Variants in RSPH14 observed in about 807,000 individuals in gnomAD.
RSPH14 encodes the protein rhabdoid tumor deletion region gene 1.
Under a neutral mutation model 26.7 loss-of-function variants are expected in RSPH14, and 20 were observed. The ratio of observed to expected loss-of-function variants is 0.75; its 90% CI spans 0.53 to 1.09. The LOEUF (loss-of-function observed/expected upper bound fraction) is 1.09. RSPH14 is among the 50% of genes least tolerant of loss of function. The pLI is 0.00. For missense variants in RSPH14, 449 were observed against 457.2 expected (o/e 0.98, Z 0.16); for synonymous variants, 177 against 189.3 (o/e 0.93, Z 0.53).
intron 1 of RSPH14, among the ~76,000 whole-genome samples, chr22:23,140,777 C>T (rs1365219971): frequency 6.6e-6 from 1 of 152,212 alleles, no homozygotes; most frequent in East Asian, 1.9e-4. Flanking sequence ...AACAAGCAAA[C>T]TCCAAGTTGG....
chr22:23,167,933 A>G, the RSPH14 span, among the ~76,000 whole-genome samples: 3 of 152,008 alleles, frequency 2.0e-5, no homozygotes, highest in Non-Finnish European at 4.4e-5. Flanking sequence ...GCTCAGTGCA[A>G]CTTTCCATCA....
At chr22:23,159,218 T>C in the RSPH14 span, 2 of 1,605,574 alleles carry the variant, frequency 1.2e-6, no homozygotes, top group Non-Finnish European at 1.7e-6. Flanking sequence ...GCCAGGGAGA[T>C]GCAGGCCGAG....
chr22:23,090,046 A>G, intron 4 of RSPH14, among the ~76,000 whole-genome samples: 1 of 152,064 alleles, frequency 6.6e-6, no homozygotes, highest in Admixed American at 6.5e-5. Context: ...CACACCCTTC[A>G]CGCTGCAAAC....
Position 23,082,337 on chromosome 22 carries a change from A to G in RSPH14, c.422-18204T>C, listed in dbSNP as rs982029222. Among the ~76,000 whole-genome samples, 5 of 150,646 alleles carry G rather than the reference A, an allele frequency of 3.3e-5. No individual in the cohort carries two copies. In the South Asian group the frequency reaches 1.1e-3, roughly 32 times the overall value. On this transcript the variant is annotated intron_variant, in intron 4 of 6. Coordinates refer to ENST00000216036, the MANE Select transcript of RSPH14 (RefSeq NM_014433.3). ...GTTCAAGCTCCTGTCTCAGCCTCGA[A>G]AGTAGCTGGGATTACAGGCGCACAC...
intron 4 of RSPH14, among the ~76,000 whole-genome samples, chr22:23,074,526 AGAG>A (rs2146250122): frequency 6.6e-6 from 1 of 152,276 alleles, no homozygotes; most frequent in South Asian, 2.1e-4. Context: ...ACATGTGGCC[AGAG>A]GGAGAGCAAG....
intron 1 of RSPH14, among the ~76,000 whole-genome samples, 161 bp from the exon 2 acceptor site, chr22:23,140,633 C>T (rs1244295005): frequency 6.6e-6 from 1 of 152,132 alleles, no homozygotes; most frequent in East Asian, 1.9e-4. Flanking sequence ...GCTCAAAGTC[C>T]CAGTGAAGGT....
At chr22:23,167,978 T>C in the RSPH14 span, among the ~76,000 whole-genome samples, 1 of 152,148 alleles carries the variant, frequency 6.6e-6, no homozygotes, top group African/African-American at 2.4e-5. Context: ...TCCCAAGTTG[T>C]TGGGACTACA....
intron 1 of RSPH14, 125 bp from the exon 2 acceptor site, chr22:23,140,597 T>G: frequency 4.4e-6 from 5 of 1,128,288 alleles, no homozygotes; most frequent in Non-Finnish European, 6.1e-6. Context: ...ATGAGCAAAC[T>G]GAGGCTGAGA....
intron 4 of RSPH14, among the ~76,000 whole-genome samples, chr22:23,117,585 A>T (rs556948509): frequency 5.0e-4 from 76 of 152,326 alleles, no homozygotes; most frequent in African/African-American, 1.7e-3. Flanking sequence ...CCCAGTGCCA[A>T]GGCGAATCAC....
chr22:23,159,103 C>T, the RSPH14 span: 5 of 1,594,228 alleles, frequency 3.1e-6, no homozygotes, highest in Middle Eastern at 1.7e-4. Context: ...GCTGCCTATC[C>T]CCCTGGGCCT....
chr22:23,089,630 A>T (rs2068908804), intron 4 of RSPH14, among the ~76,000 whole-genome samples: 1 of 152,086 alleles, frequency 6.6e-6, no homozygotes. Flanking sequence ...CAGACTTGAG[A>T]GGGCCACGTC....
intron 3 of RSPH14, among the ~76,000 whole-genome samples, 169 bp downstream of exon 3, chr22:23,138,671 G>C: frequency 6.6e-6 from 1 of 152,230 alleles, no homozygotes; most frequent in Middle Eastern, 3.4e-3. Context: ...TCCACACAGA[G>C]GCAACCAAAA....
chr22:23,092,124 T>TC (rs57082231), intron 4 of RSPH14, among the ~76,000 whole-genome samples: 53,267 of 152,000 alleles, frequency 0.35, 10,269 homozygotes, highest in African/African-American at 0.52. Context: ...AATGTGGTCA[T>TC]CAACTCTTGG....
rs916819964 is a variant in RSPH14 at position 23,071,207 on chromosome 22, G to T, written c.422-7074C>A. 2.6e-5 allele frequency among the ~76,000 whole-genome samples: 4 copies of T among 152,192 alleles called. No individual in the cohort carries two copies. Among genetic ancestry groups the T allele is most frequent in the Non-Finnish European group, 5.9e-5 (4 of 68,026 alleles). ...CTCAATATTTTTTCCCTTAAAAGGC[G>T]GTGGGGGTGTTTGGGGGAGGGGAGT... On this transcript the variant is annotated intron_variant, in intron 4 of 6. Coordinates refer to ENST00000216036, the MANE Select transcript of RSPH14 (RefSeq NM_014433.3). The surrounding 1 kb of genome is among the most constrained non-coding windows in gnomAD (Gnocchi z 4.1).
At chr22:23,130,082 AG>A (rs2070289324) in intron 4 of RSPH14, among the ~76,000 whole-genome samples, 7 of 28,876 alleles carry the variant, frequency 2.4e-4, no homozygotes, top group African/African-American at 1.5e-3. Context: ...AAAGAAAGAA[AG>A]GAAGAAAGAA....
At chr22:23,080,139 C>T (rs529367941) in intron 4 of RSPH14, among the ~76,000 whole-genome samples, 3 of 152,234 alleles carry the variant, frequency 2.0e-5, no homozygotes, top group Non-Finnish European at 4.4e-5. Flanking sequence ...GTCATGGCCA[C>T]CCTCTCCTCC....
At chr22:23,161,059 C>G in the RSPH14 span, 1 of 1,534,628 alleles carries the variant, frequency 6.5e-7, no homozygotes, top group Admixed American at 2.0e-5. Flanking sequence ...AATCCACATG[C>G]GCCATCCTCG....
chr22:23,115,080 T>C (rs776721872), intron 4 of RSPH14, among the ~76,000 whole-genome samples: 4 of 152,106 alleles, frequency 2.6e-5, no homozygotes, highest in Non-Finnish European at 5.9e-5. Context: ...CAGCTGGCCT[T>C]GCTCTGTGCT....
chr22:23,171,815 C>G, the RSPH14 span, among the ~76,000 whole-genome samples: 1 of 144,132 alleles, frequency 6.9e-6, no homozygotes, highest in African/African-American at 2.7e-5. Context: ...GCACTCCAGC[C>G]TGGGCAACAA....
Sources: gnomAD v4.1 joint callset for allele counts (sites outside exome capture counted in the v4.1 genomes callset) on GRCh38, gnomAD v4.1.1 for gene constraint, Gnocchi (gnomAD v3.1) non-coding constraint, MANE v1.5 for transcripts, NCBI Gene and HGNC (gene_info 2026-07-23, HGNC 2026-07-21) for gene names.